ATP6V1A: variants seen among roughly 807,000 people sequenced by gnomAD.
ATP6V1A encodes the protein ATPase H+ transporting V1 subunit A, also known as V-type proton ATPase catalytic subunit A.
In ATP6V1A, 18 loss-of-function variants were observed where a neutral mutation model predicts 70.1. The ratio of observed to expected loss-of-function variants is 0.26; its 90% CI spans 0.18 to 0.38. ATP6V1A has a LOEUF of 0.38. ATP6V1A is among the 10% of genes least tolerant of loss of function. ATP6V1A has a pLI of 1.00. For synonymous variants in ATP6V1A, 232 were observed against 253.8 expected (o/e 0.91, Z 0.82); for missense variants, 424 against 772.4 (o/e 0.55, Z 5.35).
intron 5 of ATP6V1A, among the ~76,000 whole-genome samples, 169 bp from the exon 6 acceptor site, chr3:113,786,063 A>C (rs192645207): frequency 7.3e-5 from 11 of 151,382 alleles, no homozygotes; most frequent in Non-Finnish European, 2.9e-5. Context: ...AGGTTAAAAA[A>C]AAAAAAAAGC....
chr3:113,808,614 CTCAG>C (rs1319887612), intron 14 of ATP6V1A, among the ~76,000 whole-genome samples: 1 of 152,028 alleles, frequency 6.6e-6, no homozygotes, highest in Non-Finnish European at 1.5e-5. Context: ...ATACATATTA[CTCAG>C]TAAGTTGCCT....
rs141662048 is a variant in ATP6V1A at position 113,754,252 on chromosome 3, G to C, written c.-14+7139G>C. ...TAATTAGGAAAAACAGGCTGGGCAT[G>C]GTGGCTCACGCCTGTAATCCCAGCA... On this transcript the variant is annotated intron_variant, in intron 1 of 14. Transcript: ENST00000273398. Among the ~76,000 whole-genome samples the C allele has an allele frequency of 4.5e-3, 685 of 152,304 alleles. 3 individuals carry two copies. The highest frequency in any genetic ancestry group is 0.015 in the African/African-American group (630 of 41,572).
At chr3:113,777,801 A>G (rs1313223555) in intron 1 of ATP6V1A, among the ~76,000 whole-genome samples, 3 of 152,188 alleles carry the variant, frequency 2.0e-5, no homozygotes, top group Admixed American at 1.3e-4. Context: ...GGAGAATAAC[A>G]TTCTAAGCAG....
intron 6 of ATP6V1A, 76 bp downstream of exon 6, chr3:113,786,459 A>AAT: frequency 6.7e-7 from 1 of 1,484,168 alleles, no homozygotes; most frequent in Non-Finnish European, 9.2e-7. Flanking sequence ...CTTTATAGAT[A>AAT]AAGGGCTTAT....
rs559590099 is a variant in ATP6V1A at position 113,794,288 on chromosome 3, A to G, written c.989-584A>G. Among the ~76,000 whole-genome samples the G allele has an allele frequency of 7.0e-4, 107 of 152,298 alleles. No homozygotes were observed. The South Asian group carries it at 9.7e-3, about 14-fold the overall frequency. On this transcript the variant is annotated intron_variant, in intron 8 of 14. Coordinates refer to ENST00000273398, the MANE Select transcript of ATP6V1A (RefSeq NM_001690.4). ...CATGCATACATGTTTGTGTGTGTGT[A>G]TGTGATATATAGAGAGAAGCTACAT... is the stretch of plus-strand genomic sequence containing the variant.
intron 2 of ATP6V1A, chr3:113,780,815 G>A: frequency 7.4e-7 from 1 of 1,345,702 alleles, no homozygotes; most frequent in Non-Finnish European, 9.7e-7. Flanking sequence ...TGAAATGTTT[G>A]AAAAGTTTTC....
chr3:113,797,408 C>A (rs1459937320), intron 11 of ATP6V1A, among the ~76,000 whole-genome samples: 4 of 151,566 alleles, frequency 2.6e-5, no homozygotes, highest in African/African-American at 9.7e-5. Flanking sequence ...CATGCGCCAC[C>A]ACCACGCCCG....
chr3:113,787,833 A>G (rs1709053659), intron 6 of ATP6V1A, among the ~76,000 whole-genome samples: 1 of 152,300 alleles, frequency 6.6e-6, no homozygotes. Context: ...CTGCCCAGCA[A>G]TCTTTCTTAA....
chr3:113,788,653 CT>C (rs1709062754), intron 6 of ATP6V1A, 59 bp from the exon 7 acceptor site: 2 of 1,550,744 alleles, frequency 1.3e-6, no homozygotes, highest in East Asian at 4.6e-5. Context: ...CCGGCCCCTA[CT>C]TTATTTATTA....
chr3:113,768,660 A>G (rs1447690536), intron 1 of ATP6V1A, among the ~76,000 whole-genome samples: 4 of 147,274 alleles, frequency 2.7e-5, no homozygotes, highest in Admixed American at 7.1e-5. Context: ...CAGTGGCGCA[A>G]TCTCGGCTCA....
intron 12 of ATP6V1A, chr3:113,801,085 G>T (rs1015470378): frequency 3.9e-5 from 6 of 152,126 alleles, no homozygotes; most frequent in Non-Finnish European, 5.9e-5. Context: ...AGCTCAGGAG[G>T]TTGAGACTAC....
intron 8 of ATP6V1A, among the ~76,000 whole-genome samples, chr3:113,791,977 AC>A (rs1709096842): frequency 6.7e-6 from 1 of 148,938 alleles, no homozygotes; most frequent in African/African-American, 2.5e-5. Context: ...ATTTTTCCAT[AC>A]CCTTATTTGG....
At chr3:113,748,540 G>A (rs1000490269) in intron 1 of ATP6V1A, among the ~76,000 whole-genome samples, 2 of 152,212 alleles carry the variant, frequency 1.3e-5, no homozygotes, top group Non-Finnish European at 2.9e-5. Flanking sequence ...TTTGGTGGAT[G>A]TGACTGATTT....
chr3:113,766,282 C>T (rs2566965), intron 1 of ATP6V1A, among the ~76,000 whole-genome samples: 18 of 135,600 alleles, frequency 1.3e-4, no homozygotes, highest in African/African-American at 3.3e-4. Flanking sequence ...ATCTCTCTCT[C>T]TTTCTCTCTC....
intron 11 of ATP6V1A, among the ~76,000 whole-genome samples, chr3:113,796,800 T>C (rs1709156971): frequency 6.6e-6 from 1 of 152,252 alleles, no homozygotes; most frequent in Admixed American, 6.5e-5. Context: ...TTTTAAATTA[T>C]GGGGAAAGAG....
Position 113,795,177 on chromosome 3 carries a change from G to T in ATP6V1A, c.1199G>T (p.Arg400Ile). 6.2e-7 allele frequency: 1 copy of T among 1,614,158 alleles called. No individual in the cohort carries two copies. Among genetic ancestry groups the T allele is most frequent in the South Asian group, 1.1e-5 (1 of 91,084 alleles). ...GTGAAATGTCTTGGAAATCCTGAAA[G>T]AGAAGGGAGTGTCAGCATTGTAGGA... ...GRVKCLGNPE[R>I]EGSVSIVGAV... The change falls in exon 10 of 15, where the codon AGA becomes ATA. Residue 400 changes from arginine to isoleucine, a missense_variant. Transcript: ENST00000273398.
intron 14 of ATP6V1A, among the ~76,000 whole-genome samples, chr3:113,807,573 G>A (rs770922274): frequency 2.0e-5 from 3 of 152,032 alleles, no homozygotes; most frequent in Non-Finnish European, 2.9e-5. Flanking sequence ...TACCATTTTT[G>A]TCAAAAATAT....
chr3:113,806,427 C>T (rs1169218212), intron 14 of ATP6V1A, among the ~76,000 whole-genome samples: 1 of 151,944 alleles, frequency 6.6e-6, no homozygotes, highest in African/African-American at 2.4e-5. Context: ...TCTCTGTTTA[C>T]TTCTTTTAAA....
intron 3 of ATP6V1A, 77 bp from the exon 4 acceptor site, chr3:113,784,147 C>A: frequency 7.3e-7 from 1 of 1,378,548 alleles, no homozygotes; most frequent in Non-Finnish European, 1.0e-6. Flanking sequence ...GTGGCATTTC[C>A]TTGTTAAACT....
Sources: allele counts gnomAD v4.1 joint callset (sites outside exome capture counted in the v4.1 genomes callset), GRCh38; gene constraint gnomAD v4.1.1; transcripts MANE v1.5; gene names NCBI Gene and HGNC (gene_info 2026-07-23, HGNC 2026-07-21).